TSPAN13: variants seen among roughly 807,000 people sequenced by gnomAD.
TSPAN13 encodes the protein tetraspanin 13, also known as tetraspanin-13.
TSPAN13 carries 18 observed loss-of-function variants against 26.9 expected under a neutral mutation model. The observed-to-expected ratio is 0.67, with a 90% confidence interval of 0.46 to 0.99. TSPAN13 has a LOEUF of 0.99. Among genes scored for constraint, TSPAN13 ranks in the 50% least tolerant of loss-of-function variants. The pLI, the probability that TSPAN13 is intolerant of heterozygous loss-of-function variation, is 0.00. For synonymous variants in TSPAN13, 116 were observed against 98.4 expected (o/e 1.18, Z -1.06); for missense variants, 201 against 249.6 (o/e 0.81, Z 1.31).
chr7:16,779,945 G>C (rs945510756), intron 5 of TSPAN13, among the ~76,000 whole-genome samples: 20 of 151,308 alleles, frequency 1.3e-4, no homozygotes, highest in African/African-American at 4.6e-4. Context: ...CTAATTTTTT[G>C]TATTTTTAGT....
chr7:16,753,804 C>CG lies in TSPAN13; in HGVS notation c.-164_-163insG, dbSNP rs1784448844. On this transcript the variant is annotated 5_prime_UTR_variant, in exon 1 of 6. Coordinates refer to ENST00000262067, the MANE Select transcript of TSPAN13 (RefSeq NM_014399.4). ...GTTCCAAAGCGGGTCCGAGCCGCCG[C>CG]CGCGCGCGCGCCGCGCACTGCAGCC... is the stretch of plus-strand genomic sequence containing the variant. 6.7e-6 allele frequency: 4 copies of CG among 599,906 alleles called. No homozygotes were observed. The highest frequency in any genetic ancestry group is 4.3e-5 in the African/African-American group (2 of 46,426). 37.2% of individuals were successfully genotyped at this position (599,906 alleles called of 1,614,324 possible). A position where few individuals can be genotyped will look rare whatever the true frequency, so the allele number is the denominator to read the frequency against.
In TSPAN13 at chr7:16,753,837, C is replaced by G. The variant is rs1784449781; in HGVS notation, c.-131C>G. 2.0e-6 allele frequency: 2 copies of G among 993,612 alleles called. No homozygotes were observed. The highest frequency in any genetic ancestry group is 1.5e-6 in the Non-Finnish European group (1 of 650,014). The allele number at this position is 993,612 out of a possible 1,614,324, so 61.5% of individuals were successfully genotyped here. The stretch of plus-strand genomic sequence containing the variant: ...GCGCCGCGCACTGCAGCCCCAGGCC[C>G]CGGCCCCCCACCCACGTCTGCGTTG... On this transcript the variant is annotated 5_prime_UTR_variant, in exon 1 of 6. Coordinates refer to ENST00000262067, the MANE Select transcript of TSPAN13 (RefSeq NM_014399.4).
rs1396567398 is a variant in TSPAN13, at chr7:16,776,242, C to A, written c.95C>A (p.Ala32Glu). ...LVSLLLIGIAAWGIGFGLISS... is the reference protein window; with the variant it reads ...LVSLLLIGIAEWGIGFGLISS... ...AGTCTGCTGCTAATTGGAATTGCTGCGTGGGGCATTGGCTTCGGGCTGATT... is the reference window on the plus strand; with the variant it reads ...AGTCTGCTGCTAATTGGAATTGCTGAGTGGGGCATTGGCTTCGGGCTGATT... The change falls in exon 2 of 6, where the codon GCG (alanine) becomes GAG (glutamate). Residue 32 changes from alanine to glutamate, a missense_variant. Ala to Glu is a moderately radical substitution (Grantham distance 107). Transcript: ENST00000262067. The A allele has an allele frequency of 6.2e-7, 1 of 1,613,836 alleles. No homozygotes were observed. The highest frequency in any genetic ancestry group is 1.3e-5 in the African/African-American group (1 of 74,834).
Position 16,753,910 on chromosome 7 carries a change from A to C in TSPAN13, c.-58A>C. Reference sequence around the variant, plus strand: ...CAAAGGCAAGGACAAAGCAGCTGTCAGGGAACCTCCGCCGGAGTCGAATTT... The same window carrying C: ...CAAAGGCAAGGACAAAGCAGCTGTCCGGGAACCTCCGCCGGAGTCGAATTT... On this transcript the variant is annotated 5_prime_UTR_variant, in exon 1 of 6. Coordinates refer to ENST00000262067, the MANE Select transcript of TSPAN13 (RefSeq NM_014399.4). 1 of 1,558,968 alleles carries C rather than the reference A, an allele frequency of 6.4e-7. No individual in the cohort carries two copies. The highest frequency in any genetic ancestry group is 1.8e-5 in the Admixed American group (1 of 56,134).
chr7:16,757,764 A>T (rs1383818667), intron 1 of TSPAN13, among the ~76,000 whole-genome samples: 2 of 152,220 alleles, frequency 1.3e-5, no homozygotes, highest in Non-Finnish European at 2.9e-5. Context: ...CATAAAAATT[A>T]TACTGAATTA....
chr7:16,773,037 C>T (rs1319647536), intron 1 of TSPAN13, among the ~76,000 whole-genome samples: 1 of 151,610 alleles, frequency 6.6e-6, no homozygotes, highest in Non-Finnish European at 1.5e-5. Flanking sequence ...ATAATAAATA[C>T]TTATTCTTTT....
chr7:16,765,879 A>G (rs867111408), intron 1 of TSPAN13, among the ~76,000 whole-genome samples: 3 of 152,182 alleles, frequency 2.0e-5, no homozygotes, highest in Non-Finnish European at 4.4e-5. Flanking sequence ...CTAGTGACAA[A>G]CCTAGGCTTT....
rs531497417 is a variant in TSPAN13 at position 16,773,167 on chromosome 7, G to C, written c.64-3044G>C. 2.3e-4 allele frequency among the ~76,000 whole-genome samples: 35 copies of C among 151,388 alleles called. 1 individual carries two copies. Among genetic ancestry groups the C allele is most frequent in the South Asian group, 4.2e-4 (2 of 4,748 alleles). ...TTACTCGCCTTATAAAAAATCTTGG[G>C]GGGGGGCGGTTAGCAATTATTTGAT... is the stretch of plus-strand genomic sequence containing the variant. On this transcript the variant is annotated intron_variant, in intron 1 of 5. Coordinates refer to ENST00000262067, the MANE Select transcript of TSPAN13 (RefSeq NM_014399.4).
intron 1 of TSPAN13, among the ~76,000 whole-genome samples, chr7:16,769,385 A>G (rs1784648191): frequency 6.6e-6 from 1 of 152,130 alleles, no homozygotes; most frequent in Non-Finnish European, 1.5e-5. Context: ...GGCTAAGAAA[A>G]AGTGCAGCAG....
chr7:16,771,596 A>AG (rs1172657715), intron 1 of TSPAN13, among the ~76,000 whole-genome samples: 3 of 152,226 alleles, frequency 2.0e-5, no homozygotes, highest in African/African-American at 7.2e-5. Flanking sequence ...TTGAAGACAG[A>AG]GGAAGGGGTT....
intron 1 of TSPAN13, among the ~76,000 whole-genome samples, chr7:16,763,329 A>G (rs919707471): frequency 6.6e-6 from 1 of 152,214 alleles, no homozygotes; most frequent in African/African-American, 2.4e-5. Context: ...TTTTGCAGGT[A>G]TTGAAAGTTT....
At chr7:16,782,828 G>C (rs1452461887) in intron 5 of TSPAN13, among the ~76,000 whole-genome samples, 1 of 152,098 alleles carries the variant, frequency 6.6e-6, no homozygotes, top group African/African-American at 2.4e-5. Flanking sequence ...TGCTGTAACA[G>C]GTTACCACAC....
chr7:16,755,311 C>G (rs1334130287), intron 1 of TSPAN13, among the ~76,000 whole-genome samples: 1 of 152,112 alleles, frequency 6.6e-6, no homozygotes, highest in Non-Finnish European at 1.5e-5. Context: ...TGACTGCAAG[C>G]TTTGAAGGCA....
chr7:16,784,215 T>C lies in TSPAN13; in HGVS notation c.*724T>C, dbSNP rs1341832757. The C allele has an allele frequency of 6.6e-6, 1 of 152,582 alleles. No homozygotes were observed. Among genetic ancestry groups the C allele is most frequent in the Non-Finnish European group, 1.5e-5 (1 of 68,020 alleles). 9.5% of individuals were successfully genotyped at this position (152,582 alleles called of 1,614,324 possible). On this transcript the variant is annotated 3_prime_UTR_variant, in exon 6 of 6. Coordinates refer to ENST00000262067, the MANE Select transcript of TSPAN13 (RefSeq NM_014399.4). ...TTTGAGTAATCAGGAAGTATATCTATATGATCTTGATATTGTTTTATAATA... is the reference window on the plus strand; with the variant it reads ...TTTGAGTAATCAGGAAGTATATCTACATGATCTTGATATTGTTTTATAATA...
intron 1 of TSPAN13, among the ~76,000 whole-genome samples, chr7:16,756,127 CA>C (rs1639294455): frequency 6.6e-6 from 1 of 152,102 alleles, no homozygotes; most frequent in South Asian, 2.1e-4. Context: ...AAAGTTGGAT[CA>C]AGTCTTAGAT....
At chr7:16,755,761 A>G (rs760873915) in intron 1 of TSPAN13, among the ~76,000 whole-genome samples, 5 of 152,118 alleles carry the variant, frequency 3.3e-5, no homozygotes, top group Non-Finnish European at 5.9e-5. Context: ...TAAAAAGGCA[A>G]GTTATTTTAA....
In TSPAN13 at chr7:16,776,300, A is replaced by C; in HGVS notation, c.153A>C (p.Ala51=). 1 of 1,614,090 alleles carries C rather than the reference A, an allele frequency of 6.2e-7. No homozygotes were observed. Among genetic ancestry groups the C allele is most frequent in the Non-Finnish European group, 8.5e-7 (1 of 1,180,026 alleles). The change falls in exon 2 of 6, where the codon GCA becomes GCC. Residue 51 remains alanine, a synonymous_variant. Transcript: ENST00000262067. The part of the protein sequence containing the change: ...SSLRVVGVVI[A]VGIFLFLIAL... ...TCCGAGTGGTCGGCGTGGTCATTGC[A>C]GTGGGCATCTTCTTGTTCCTGATTG...
chr7:16,757,618 G>C (rs561743222), intron 1 of TSPAN13, among the ~76,000 whole-genome samples: 38 of 152,102 alleles, frequency 2.5e-4, no homozygotes, highest in Non-Finnish European at 4.7e-4. Context: ...AATCAGGAGG[G>C]AAATTTCAGA....
intron 4 of TSPAN13, 62 bp downstream of exon 4, chr7:16,777,973 G>A: frequency 8.5e-7 from 1 of 1,179,366 alleles, no homozygotes; most frequent in Admixed American, 2.1e-5. Flanking sequence ...TGATTAATGT[G>A]GAAGAAATGG....
Sources: allele counts gnomAD v4.1 joint callset (sites outside exome capture counted in the v4.1 genomes callset), GRCh38; gene constraint gnomAD v4.1.1; transcripts MANE v1.5; gene names NCBI Gene and HGNC (gene_info 2026-07-23, HGNC 2026-07-21).